RAMP1: variants seen among roughly 807,000 people sequenced by gnomAD.
RAMP1 encodes receptor activity modifying protein 1, also known as receptor activity-modifying protein 1.
RAMP1 carries 7 observed loss-of-function variants against 8.2 expected under a neutral mutation model. The ratio of observed to expected loss-of-function variants is 0.85; its 90% CI spans 0.49 to 1.60. The LOEUF is 1.60. RAMP1 is among the 40% of genes most tolerant of loss of function. The pLI is 0.00. For missense variants in RAMP1, 192 were observed against 202.4 expected, an observed-to-expected ratio of 0.95 and a Z score of 0.31; for synonymous variants, 92 against 84.7, an observed-to-expected ratio of 1.09 and a Z score of -0.47.
At position 237,859,644 on chromosome 2, in the gene RAMP1, C is replaced by G. The variant is rs1462211156; in HGVS notation, c.-32C>G. ...GCTCAGTCCTCAGCGGGGCGCGTGGCGAGCGGACTCGACTCGGCACCGCTG... is the reference window on the plus strand; with the variant it reads ...GCTCAGTCCTCAGCGGGGCGCGTGGGGAGCGGACTCGACTCGGCACCGCTG... On this transcript the variant is annotated 5_prime_UTR_variant, in exon 1 of 3. Coordinates refer to ENST00000254661, the MANE Select transcript of RAMP1 (RefSeq NM_005855.4). 84 of 1,432,760 alleles carry G rather than the reference C, an allele frequency of 5.9e-5. No homozygotes were observed. Among genetic ancestry groups the G allele is most frequent in the Non-Finnish European group, 7.7e-5 (84 of 1,090,518 alleles). The allele number at this position is 1,432,760 out of a possible 1,614,324, so 88.8% of individuals were successfully genotyped here. A position where few individuals can be genotyped will look rare whatever the true frequency, so the allele number is the denominator to read the frequency against.
intron 1 of RAMP1, among the ~76,000 whole-genome samples, chr2:237,864,340 C>T (rs1576531077): frequency 7.3e-6 from 1 of 137,650 alleles, no homozygotes; most frequent in African/African-American, 3.6e-5. Context: ...TAAGGCCTGC[C>T]GCTGTCAGGT....
rs2062321095 is a variant in RAMP1 at position 237,877,501 on chromosome 2, G to A, written c.191+139G>A. 1 of 1,199,208 alleles carries A rather than the reference G, an allele frequency of 8.3e-7. No individual in the cohort carries two copies. The highest frequency in any genetic ancestry group is 1.1e-6 in the Non-Finnish European group (1 of 879,614). The allele number at this position is 1,199,208 out of a possible 1,614,324, so 74.3% of individuals were successfully genotyped here. A position where few individuals can be genotyped will look rare whatever the true frequency, so the allele number is the denominator to read the frequency against. On this transcript the variant is annotated intron_variant, in intron 2 of 2. Transcript: ENST00000254661. The surrounding 1 kb of genome is among the most constrained non-coding windows in gnomAD (Gnocchi z 4.4). ...GTTCTTCCCCCAGTGGGGGGGGCCGGGATGAAGACAGAGGAGGGAGCCAGT... is the reference window on the plus strand; with the variant it reads ...GTTCTTCCCCCAGTGGGGGGGGCCGAGATGAAGACAGAGGAGGGAGCCAGT...
chr2:237,871,882 C>T (rs2062248900), intron 1 of RAMP1, among the ~76,000 whole-genome samples: 1 of 152,146 alleles, frequency 6.6e-6, no homozygotes, highest in Admixed American at 6.5e-5. Flanking sequence ...GAAAGAAAAC[C>T]ACTAGATACG....
chr2:237,886,648 C>T (rs1279721665), intron 2 of RAMP1, among the ~76,000 whole-genome samples: 1 of 152,220 alleles, frequency 6.6e-6, no homozygotes, highest in Non-Finnish European at 1.5e-5. Context: ...CGGAAGTCTT[C>T]TGGCCCTGGG....
At chr2:237,891,181 A>C (rs748006626) in intron 2 of RAMP1, among the ~76,000 whole-genome samples, 1 of 96,138 alleles carries the variant, frequency 1.0e-5, no homozygotes, top group African/African-American at 4.9e-5. Flanking sequence ...ACGGAGTCTC[A>C]CTCTGTCACC....
intron 2 of RAMP1, among the ~76,000 whole-genome samples, chr2:237,887,147 T>G (rs2062442733): frequency 6.6e-6 from 1 of 152,210 alleles, no homozygotes; most frequent in Non-Finnish European, 1.5e-5. Context: ...GTGACACCTC[T>G]GGCTGTGGGT....
intron 2 of RAMP1, among the ~76,000 whole-genome samples, chr2:237,889,020 G>A (rs936959226): frequency 2.6e-5 from 4 of 152,132 alleles, no homozygotes; most frequent in Non-Finnish European, 4.4e-5. Flanking sequence ...TGATCCATCC[G>A]CCTCGGCCTC....
rs1559179127 is a variant in RAMP1, at chr2:237,911,507, CA to C, written c.192-20del. On this transcript the variant is annotated intron_variant, in intron 2 of 2. Coordinates refer to ENST00000254661, the MANE Select transcript of RAMP1 (RefSeq NM_005855.4). ...ATCCCCCGCCTGCCCAGGGTCTTAC[CA>C]CCTCCTCTTCCATCCGCAGGAGCTA... 1 of 1,612,372 alleles carries C rather than the reference CA, an allele frequency of 6.2e-7. No individual in the cohort carries two copies. The highest frequency in any genetic ancestry group is 2.2e-5 in the East Asian group (1 of 44,858).
intron 2 of RAMP1, among the ~76,000 whole-genome samples, chr2:237,905,870 G>A (rs1415401831): frequency 6.6e-6 from 1 of 152,020 alleles, no homozygotes; most frequent in Non-Finnish European, 1.5e-5. Flanking sequence ...AATTAGCCAG[G>A]CATGGTGGAC....
chr2:237,881,454 G>A (rs563969751), intron 2 of RAMP1, among the ~76,000 whole-genome samples: 31 of 152,330 alleles, frequency 2.0e-4, no homozygotes, highest in Admixed American at 1.9e-3. Context: ...AAGTGGGGTC[G>A]CAGGACCAAA....
chr2:237,911,968 G>C lies in RAMP1; in HGVS notation c.*185G>C. The C allele has an allele frequency of 9.7e-7, 1 of 1,034,784 alleles. No homozygotes were observed. The highest frequency in any genetic ancestry group is 1.4e-6 in the Non-Finnish European group (1 of 735,906). The allele number at this position is 1,034,784 out of a possible 1,614,324, so 64.1% of individuals were successfully genotyped here. ...TGGTATTAACCTGGAAGCCCCCCTG[G>C]CTGGAGGCCACCGCCACCCTAGGAA... On this transcript the variant is annotated 3_prime_UTR_variant, in exon 3 of 3. Coordinates refer to ENST00000254661, the MANE Select transcript of RAMP1 (RefSeq NM_005855.4).
At chr2:237,898,836 C>T (rs548686116) in intron 2 of RAMP1, among the ~76,000 whole-genome samples, 15 of 152,298 alleles carry the variant, frequency 9.8e-5, no homozygotes, top group Non-Finnish European at 2.1e-4. Context: ...CAGGCCACAG[C>T]GTGGCTCTCT....
intron 2 of RAMP1, among the ~76,000 whole-genome samples, chr2:237,886,049 G>A (rs1181792607): frequency 2.0e-5 from 3 of 152,302 alleles, no homozygotes; most frequent in East Asian, 1.9e-4. Flanking sequence ...CATGCAGCTC[G>A]CGCAGTGACA....
intron 2 of RAMP1, among the ~76,000 whole-genome samples, chr2:237,903,906 T>C (rs2062630273): frequency 6.6e-6 from 1 of 152,074 alleles, no homozygotes; most frequent in South Asian, 2.1e-4. Context: ...GTGTTAGCCA[T>C]TTTGTATTTT....
chr2:237,879,638 C>A (rs1388826408), intron 2 of RAMP1, among the ~76,000 whole-genome samples: 5 of 128,600 alleles, frequency 3.9e-5, no homozygotes, highest in Non-Finnish European at 8.2e-5. Flanking sequence ...CACATGTATA[C>A]ATACGTAACA....
chr2:237,877,850 C>T lies in RAMP1; in HGVS notation c.191+488C>T, dbSNP rs567876772. The stretch of plus-strand genomic sequence containing the variant: ...TCACCACCCACAGCCCCCAGCAGGA[C>T]GGCTTCAGCCGAACCCTTCCCCACC... On this transcript the variant is annotated intron_variant, in intron 2 of 2. Coordinates refer to ENST00000254661, the MANE Select transcript of RAMP1 (RefSeq NM_005855.4). The surrounding 1 kb of genome is among the most constrained non-coding windows in gnomAD (Gnocchi z 4.4). The T allele has an allele frequency of 5.2e-5, 30 of 578,980 alleles. No homozygotes were observed. Among genetic ancestry groups the T allele is most frequent in the Admixed American group, 6.3e-5 (1 of 15,768 alleles). The allele number at this position is 578,980 out of a possible 1,614,324, so 35.9% of individuals were successfully genotyped here. A position where few individuals can be genotyped will look rare whatever the true frequency, so the allele number is the denominator to read the frequency against.
intron 2 of RAMP1, among the ~76,000 whole-genome samples, chr2:237,882,211 G>C (rs367704628): frequency 6.6e-6 from 1 of 152,102 alleles, no homozygotes; most frequent in East Asian, 1.9e-4. Flanking sequence ...CACTTGGCCC[G>C]TGCCTTCTTA....
At chr2:237,863,983 G>C (rs1374379761) in intron 1 of RAMP1, among the ~76,000 whole-genome samples, 3 of 152,078 alleles carry the variant, frequency 2.0e-5, no homozygotes, top group Non-Finnish European at 4.4e-5. Flanking sequence ...CCACCCCAGG[G>C]ACAGGGGGTC....
upstream of RAMP1, chr2:237,859,586 C>T: frequency 2.0e-6 from 2 of 988,302 alleles, no homozygotes; most frequent in Non-Finnish European, 2.5e-6. Flanking sequence ...CTCCCGCCCC[C>T]GGCGCGTCTC....
Sources: gnomAD v4.1 joint callset for allele counts (sites outside exome capture counted in the v4.1 genomes callset) on GRCh38, gnomAD v4.1.1 for gene constraint, Gnocchi (gnomAD v3.1) non-coding constraint, MANE v1.5 for transcripts, NCBI Gene and HGNC (gene_info 2026-07-23, HGNC 2026-07-21) for gene names.